KLHL1: variants seen among roughly 807,000 people sequenced by gnomAD.
KLHL1 encodes the protein kelch-like protein 1.
KLHL1 carries 47 observed loss-of-function variants against 77.7 expected under a neutral mutation model. The observed-to-expected ratio is 0.60, with a 90% CI of 0.48 to 0.77. The LOEUF (loss-of-function observed/expected upper bound fraction) is 0.77. KLHL1 is among the 30% of genes least tolerant of loss of function. The pLI, the probability that KLHL1 is intolerant of heterozygous loss-of-function variation, is 0.00. For synonymous variants in KLHL1, 360 were observed against 325.2 expected (o/e 1.11, Z -1.15); for missense variants, 925 against 910.8 (o/e 1.02, Z -0.20).
At chr13:69,822,257 G>A (rs1159599361) in intron 6 of KLHL1, among the ~76,000 whole-genome samples, 1 of 151,330 alleles carries the variant, frequency 6.6e-6, no homozygotes, top group African/African-American at 2.4e-5. Context: ...ATGAATATTG[G>A]CAGCAGATTT....
intron 2 of KLHL1, among the ~76,000 whole-genome samples, chr13:69,971,404 T>A (rs1336352698): frequency 2.0e-5 from 3 of 152,038 alleles, no homozygotes; most frequent in African/African-American, 7.2e-5. Context: ...AAAAAACTTA[T>A]CTACTGGCTC....
chr13:69,952,151 T>C (rs760238724), intron 3 of KLHL1, among the ~76,000 whole-genome samples: 1 of 151,408 alleles, frequency 6.6e-6, no homozygotes, highest in Non-Finnish European at 1.5e-5. Flanking sequence ...GTAAAAATGA[T>C]TCAAAAATGT....
chr13:70,062,669 C>A (rs748669974), intron 1 of KLHL1, among the ~76,000 whole-genome samples: 2 of 151,980 alleles, frequency 1.3e-5, no homozygotes, highest in Admixed American at 6.6e-5. Flanking sequence ...GAGTAAATAT[C>A]GTACCTGTCC....
intron 1 of KLHL1, among the ~76,000 whole-genome samples, chr13:70,100,333 T>A (rs751402653): frequency 3.9e-5 from 6 of 152,156 alleles, no homozygotes; most frequent in Non-Finnish European, 8.8e-5. Flanking sequence ...TCATTGTTAA[T>A]ATATAGAAAT....
At chr13:69,855,365 T>G (rs1447277666) in intron 5 of KLHL1, among the ~76,000 whole-genome samples, 5,826 of 128,236 alleles carry the variant, frequency 0.045, 182 homozygotes, top group African/African-American at 0.07. Context: ...GATAGATACA[T>G]AGAGAGATAG....
At chr13:69,714,872 G>A (rs1876047544) in intron 9 of KLHL1, among the ~76,000 whole-genome samples, 1 of 152,084 alleles carries the variant, frequency 6.6e-6, no homozygotes, top group Admixed American at 6.6e-5. Flanking sequence ...AGTATTACAG[G>A]TGTGAGCCAC....
At chr13:70,011,905 A>G (rs1406708331) in intron 1 of KLHL1, among the ~76,000 whole-genome samples, 1 of 152,190 alleles carries the variant, frequency 6.6e-6, no homozygotes, top group African/African-American at 2.4e-5. Flanking sequence ...TAAGAGTTTC[A>G]CGTGGCTGGG....
chr13:69,902,936 A>G (rs1386055885), intron 4 of KLHL1, among the ~76,000 whole-genome samples: 1 of 152,140 alleles, frequency 6.6e-6, no homozygotes, highest in Non-Finnish European at 1.5e-5. Context: ...ATTCAATACC[A>G]TAGCTTTTCC....
At chr13:69,758,856 A>G (rs1874889247) in intron 7 of KLHL1, among the ~76,000 whole-genome samples, 1 of 152,148 alleles carries the variant, frequency 6.6e-6, no homozygotes, top group African/African-American at 2.4e-5. Flanking sequence ...CCGTATTTTT[A>G]TTTACCTAGA....
chr13:70,072,258 A>G (rs1300672789), intron 1 of KLHL1, among the ~76,000 whole-genome samples: 3 of 152,134 alleles, frequency 2.0e-5, no homozygotes, highest in African/African-American at 7.2e-5. Context: ...GGAAAAATAA[A>G]TATCTGTGTA....
chr13:69,739,678 C>T (rs1873905308), intron 8 of KLHL1, among the ~76,000 whole-genome samples: 1 of 152,170 alleles, frequency 6.6e-6, no homozygotes, highest in African/African-American at 2.4e-5. Context: ...ATATTGTTTG[C>T]ATTTGTAAAA....
intron 1 of KLHL1, among the ~76,000 whole-genome samples, chr13:70,092,613 T>G (rs564862400): frequency 7.7e-4 from 118 of 152,298 alleles, no homozygotes; most frequent in African/African-American, 2.7e-3. Context: ...ATGTAAAGCA[T>G]TCAATGGATT....
Position 69,882,407 on chromosome 13 carries a change from T to C in KLHL1, c.1103A>G (p.Asn368Ser), listed in dbSNP as rs754627488. ...LHKLLASDDVNVPDEETIFHA... is the reference protein window; with the variant it reads ...LHKLLASDDVSVPDEETIFHA... Reference sequence around the variant, plus strand: ...GAAGATGGTTTCTTCATCAGGAACATTGACATCATCACTGGCCAGTAGTTT... The same window carrying C: ...GAAGATGGTTTCTTCATCAGGAACACTGACATCATCACTGGCCAGTAGTTT... Residue 368 changes from asparagine (N) to serine (S), a missense_variant, in exon 5 of 11, where the codon AAT becomes AGT. Physicochemically the swap from Asn to Ser is conservative, Grantham distance 46. Coordinates refer to ENST00000377844, the MANE Select transcript of KLHL1 (RefSeq NM_020866.3). The C allele has an allele frequency of 5.8e-5, 94 of 1,613,660 alleles. No individual in the cohort carries two copies. Among genetic ancestry groups the C allele is most frequent in the African/African-American group, 6.7e-5 (5 of 74,902 alleles).
chr13:69,811,199 T>C (rs1877865381), intron 6 of KLHL1, among the ~76,000 whole-genome samples: 1 of 152,052 alleles, frequency 6.6e-6, no homozygotes, highest in South Asian at 2.1e-4. Flanking sequence ...CTAATACACC[T>C]GATGAGCATA....
In KLHL1 at chr13:70,018,303, G is replaced by C. The variant is rs371240569; in HGVS notation, c.498-42501C>G. 2.6e-5 allele frequency among the ~76,000 whole-genome samples: 4 copies of C among 152,158 alleles called. No individual in the cohort carries two copies. The South Asian group carries it at 6.2e-4, about 24-fold the overall frequency. On this transcript the variant is annotated intron_variant, in intron 1 of 10. Coordinates refer to ENST00000377844, the MANE Select transcript of KLHL1 (RefSeq NM_020866.3). The stretch of plus-strand genomic sequence containing the variant: ...TGATAAATGGAAGATAAAATAAATT[G>C]TCCAATGTCATAAAAGTATAAAGTG...
intron 1 of KLHL1, among the ~76,000 whole-genome samples, chr13:70,037,403 A>G (rs190172668): frequency 6.4e-4 from 97 of 152,200 alleles, no homozygotes; most frequent in African/African-American, 2.3e-3. Context: ...ACTCAATATT[A>G]GTATTGCAAT....
At chr13:70,097,363 G>A (rs770597462) in intron 1 of KLHL1, among the ~76,000 whole-genome samples, 5 of 152,008 alleles carry the variant, frequency 3.3e-5, no homozygotes, top group Non-Finnish European at 5.9e-5. Flanking sequence ...GTCTTCATGT[G>A]CAAGGTAGGA....
chr13:70,100,455 T>C (rs1266806063), intron 1 of KLHL1, among the ~76,000 whole-genome samples: 1 of 152,174 alleles, frequency 6.6e-6, no homozygotes, highest in Non-Finnish European at 1.5e-5. Context: ...CAAAAAGTTT[T>C]ATTTCTTCAT....
rs541044891 is a variant in KLHL1 at position 69,832,105 on chromosome 13, C to A, written c.1414+6871G>T. ...TACTGGACATCCTAGCCAGAACAAT[C>A]GGACAAAAGAAAGAAATAAAGGGCA... is the stretch of plus-strand genomic sequence containing the variant. On this transcript the variant is annotated intron_variant, in intron 6 of 10. Coordinates refer to ENST00000377844, the MANE Select transcript of KLHL1 (RefSeq NM_020866.3). 6.5e-4 allele frequency among the ~76,000 whole-genome samples: 97 copies of A among 149,806 alleles called. 11 individuals carry two copies. The highest frequency in any genetic ancestry group is 1.6e-3 in the African/African-American group (63 of 39,970).
Sources: gnomAD v4.1 joint callset for allele counts (sites outside exome capture counted in the v4.1 genomes callset) on GRCh38, gnomAD v4.1.1 for gene constraint, MANE v1.5 for transcripts, NCBI Gene and HGNC (gene_info 2026-07-23, HGNC 2026-07-21) for gene names.